The following JMJD1C variants were observed in gnomAD, a reference collection of about 807,000 sequenced individuals.
JMJD1C encodes the protein jumonji domain containing 1C.
Under a neutral mutation model 245.3 loss-of-function variants are expected in JMJD1C, and 31 were observed. That is an observed-to-expected ratio of 0.13 (90% CI 0.09 to 0.17). The LOEUF is 0.17. Ranked by LOEUF, JMJD1C falls within the 10% of genes least tolerant of loss-of-function variation. JMJD1C has a pLI of 1.00. For missense variants in JMJD1C, 2,691 were observed against 3,000.2 expected (o/e 0.90, Z 2.41); for synonymous variants, 1,057 against 1,017.4 (o/e 1.04, Z -0.74).
intron 2 of JMJD1C, among the ~76,000 whole-genome samples, chr10:63,279,356 T>C (rs569488731): frequency 1.9e-4 from 29 of 152,238 alleles, no homozygotes; most frequent in South Asian, 1.0e-3. Flanking sequence ...ATTGTATCCA[T>C]TGAAACAGAA....
intron 1 of JMJD1C, among the ~76,000 whole-genome samples, chr10:63,455,194 CTTCT>C (rs1414787178): frequency 2.6e-5 from 4 of 152,134 alleles, no homozygotes; most frequent in Non-Finnish European, 5.9e-5. Flanking sequence ...TCAAAATATA[CTTCT>C]TTATGTTTCT....
chr10:63,447,454 T>C (rs1422366870), intron 1 of JMJD1C, among the ~76,000 whole-genome samples: 2 of 152,256 alleles, frequency 1.3e-5, no homozygotes, highest in African/African-American at 2.4e-5. Flanking sequence ...TTTTTATTTT[T>C]GTCTGTAATA....
chr10:63,433,587 T>C (rs1950899339), intron 1 of JMJD1C, among the ~76,000 whole-genome samples: 1 of 116,042 alleles, frequency 8.6e-6, no homozygotes, highest in South Asian at 2.4e-4. Flanking sequence ...TTTTCTTTTC[T>C]TTTTTTTTTT....
intron 2 of JMJD1C, among the ~76,000 whole-genome samples, chr10:63,358,385 T>G (rs1214542330): frequency 6.8e-6 from 1 of 146,876 alleles, no homozygotes; most frequent in African/African-American, 2.4e-5. Flanking sequence ...ACATAACAAT[T>G]TAAGAAATGG....
intron 1 of JMJD1C, among the ~76,000 whole-genome samples, chr10:63,399,012 AAAG>A (rs67434572): frequency 0.42 from 63,458 of 151,824 alleles, 14,009 homozygotes; most frequent in South Asian, 0.53. Context: ...TTGTTTCTAA[AAAG>A]AAGAATAAAT....
At chr10:63,176,796 G>GTA (rs869072896) in intron 23 of JMJD1C, 1 of 153,826 alleles carries the variant, frequency 6.5e-6, no homozygotes. Flanking sequence ...GAGGAACAGG[G>GTA]TATTTTTTTT....
At chr10:63,171,734 T>C (rs1842390058) in intron 24 of JMJD1C, among the ~76,000 whole-genome samples, 1 of 152,192 alleles carries the variant, frequency 6.6e-6, no homozygotes, top group Non-Finnish European at 1.5e-5. Context: ...AGCAATCTGC[T>C]TTATCAAGCC....
chr10:63,291,310 G>GGA (rs1325184985), intron 2 of JMJD1C, among the ~76,000 whole-genome samples: 1 of 69,136 alleles, frequency 1.4e-5, no homozygotes, highest in African/African-American at 6.6e-5. Flanking sequence ...GTCTGTCTCA[G>GGA]AAAAAAAAAA....
At position 63,209,240 on chromosome 10, in the gene JMJD1C, T is replaced by TAACAA. The variant is rs60227922; in HGVS notation, c.2695-10_2695-6dup. The TAACAA allele has an allele frequency of 4.0e-3, 6,348 of 1,588,536 alleles. 205 individuals carry two copies. The African/African-American group carries it at 0.073, about 18-fold the overall frequency. ...TAGCCAAGGACTGGGAGAATTCTAT[T>TAACAA]AACAAAACAAAACAAAAAAAACACC... On this transcript the variant is annotated splice_region_variant and splice_polypyrimidine_tract_variant and intron_variant, in intron 8 of 25. Coordinates refer to ENST00000399262, the MANE Select transcript of JMJD1C (RefSeq NM_032776.3).
intron 5 of JMJD1C, 96 bp downstream of exon 5, chr10:63,217,110 TA>T (rs1283239850): frequency 3.6e-6 from 4 of 1,120,078 alleles, no homozygotes; most frequent in Non-Finnish European, 3.8e-6. Flanking sequence ...ACCCTAGAGA[TA>T]AAAATTATTT....
At chr10:63,281,601 G>A (rs901092624) in intron 2 of JMJD1C, among the ~76,000 whole-genome samples, 1 of 149,204 alleles carries the variant, frequency 6.7e-6, no homozygotes, top group Non-Finnish European at 1.5e-5. Context: ...CTCCAGAGTA[G>A]CATGGACAAT....
At chr10:63,317,355 T>C (rs1940215042) in intron 2 of JMJD1C, among the ~76,000 whole-genome samples, 1 of 151,990 alleles carries the variant, frequency 6.6e-6, no homozygotes. Flanking sequence ...AAATACAAAA[T>C]TTAGCTTGGC....
At chr10:63,410,373 C>T (rs917936806) in intron 1 of JMJD1C, among the ~76,000 whole-genome samples, 4 of 152,144 alleles carry the variant, frequency 2.6e-5, no homozygotes, top group Admixed American at 1.3e-4. Context: ...ACATGATCTA[C>T]TATTTCTAAA....
intron 3 of JMJD1C, among the ~76,000 whole-genome samples, chr10:63,238,189 A>AAAAAAAAAAAG (rs986291984): frequency 1.0e-4 from 14 of 135,764 alleles, no homozygotes; most frequent in South Asian, 2.3e-4. Context: ...TCAAAAAAAA[A>AAAAAAAAAAAG]AAAAAAGAAA....
chr10:63,360,138 C>A (rs1008682324), intron 2 of JMJD1C, among the ~76,000 whole-genome samples: 2 of 151,954 alleles, frequency 1.3e-5, no homozygotes, highest in Non-Finnish European at 2.9e-5. Flanking sequence ...AGCAAGATCC[C>A]CCATCTCTTA....
intron 16 of JMJD1C, among the ~76,000 whole-genome samples, chr10:63,191,983 CAAAAAAAAAAAAAAA>C (rs10652559): frequency 5.4e-4 from 33 of 60,824 alleles, no homozygotes; most frequent in Non-Finnish European, 6.9e-4. Flanking sequence ...GACTCTGTCT[CAAAAAAAAAAAAAAA>C]AAAAAAAAAA....
chr10:63,213,724 G>A lies in JMJD1C; in HGVS notation c.2443C>T (p.Leu815=). Residue 815 remains leucine, a synonymous_variant, in exon 8 of 26, where the codon CTA becomes TTA. Coordinates refer to ENST00000399262, the MANE Select transcript of JMJD1C (RefSeq NM_032776.3). ...TASLLGGHPR[L]ESAHASSLSH... ...AAGCTGCTGGCATGAGCACTCTCTAGTCGTGGGTGGCCACCAAGTAAGGAG... is the reference window on the plus strand; with the variant it reads ...AAGCTGCTGGCATGAGCACTCTCTAATCGTGGGTGGCCACCAAGTAAGGAG... 1 of 1,614,090 alleles carries A rather than the reference G, an allele frequency of 6.2e-7. No homozygotes were observed. Among genetic ancestry groups the A allele is most frequent in the Non-Finnish European group, 8.5e-7 (1 of 1,180,030 alleles).
chr10:63,329,904 T>G (rs993702916), intron 2 of JMJD1C, among the ~76,000 whole-genome samples: 1 of 152,130 alleles, frequency 6.6e-6, no homozygotes, highest in African/African-American at 2.4e-5. Context: ...TGTTTTTTTG[T>G]TTTGCTTTGT....
intron 1 of JMJD1C, among the ~76,000 whole-genome samples, chr10:63,500,757 ATGG>A (rs1564973323): frequency 1.9e-4 from 29 of 150,620 alleles, no homozygotes; most frequent in African/African-American, 4.6e-4. Context: ...GGATGGATGG[ATGG>A]ATGGATGGAT....
Sources: gnomAD v4.1 joint callset for allele counts (sites outside exome capture counted in the v4.1 genomes callset) on GRCh38, gnomAD v4.1.1 for gene constraint, MANE v1.5 for transcripts, NCBI Gene and HGNC (gene_info 2026-07-23, HGNC 2026-07-21) for gene names.